MALRD1: variants seen among roughly 807,000 people sequenced by gnomAD.
MALRD1 encodes the protein MAM and LDL-receptor class A domain-containing protein 1.
MALRD1 carries 247 observed loss-of-function variants against 242.1 expected under a neutral mutation model. The ratio of observed to expected loss-of-function variants is 1.02; its 90% CI spans 0.92 to 1.13. The LOEUF is 1.13. Among genes scored for constraint, MALRD1 ranks in the 50% most tolerant of loss-of-function variants. MALRD1 has a pLI of 0.00. For missense variants in MALRD1, 2,989 were observed against 2,533.1 expected (o/e 1.18, Z -3.86); for synonymous variants, 995 against 866.6 (o/e 1.15, Z -2.60).
intron 33 of MALRD1, among the ~76,000 whole-genome samples, chr10:19,580,465 C>G (rs1837058635): frequency 6.6e-6 from 1 of 152,138 alleles, no homozygotes; most frequent in Non-Finnish European, 1.5e-5. Context: ...CATGTTTCCT[C>G]TGAATGACAT....
In MALRD1 at chr10:19,726,998, C is replaced by T. The variant is rs367678466; in HGVS notation, c.6315-3708C>T. On this transcript the variant is annotated intron_variant, in intron 38 of 39. Transcript: ENST00000454679. ...GAGCTTCAGTTCAGAGTTATAAAAA[C>T]ATTTTGGAAATAGTGGTAATGGTAG... 7.9e-5 allele frequency among the ~76,000 whole-genome samples: 12 copies of T among 152,252 alleles called. No individual in the cohort carries two copies. The East Asian group carries it at 1.2e-3, about 15-fold the overall frequency.
intron 24 of MALRD1, among the ~76,000 whole-genome samples, chr10:19,343,681 C>G (rs549028472): frequency 6.6e-6 from 1 of 152,100 alleles, no homozygotes; most frequent in Non-Finnish European, 1.5e-5. Context: ...GTGTATAAAT[C>G]ACGTTTTCCT....
chr10:19,467,986 G>A (rs1836305544), intron 29 of MALRD1, among the ~76,000 whole-genome samples: 1 of 151,860 alleles, frequency 6.6e-6, no homozygotes, highest in Non-Finnish European at 1.5e-5. Context: ...TAGAGACTGG[G>A]TTTCTCCATG....
intron 26 of MALRD1, among the ~76,000 whole-genome samples, chr10:19,363,763 C>T (rs1384225865): frequency 6.6e-6 from 1 of 152,072 alleles, no homozygotes; most frequent in African/African-American, 2.4e-5. Context: ...AGGGTTAGTC[C>T]TGTGAGAAGA....
At chr10:19,627,501 G>T (rs1437352351) in intron 36 of MALRD1, among the ~76,000 whole-genome samples, 1 of 152,066 alleles carries the variant, frequency 6.6e-6, no homozygotes, top group Non-Finnish European at 1.5e-5. Context: ...ACTTTGGGAG[G>T]CCAGGTAGAG....
At chr10:19,715,092 A>G (rs1834321614) in intron 38 of MALRD1, among the ~76,000 whole-genome samples, 1 of 152,260 alleles carries the variant, frequency 6.6e-6, no homozygotes, top group East Asian at 1.9e-4. Context: ...TACGAAATTT[A>G]TTGCTCCTTA....
chr10:19,167,000 G>A (rs920074536), intron 13 of MALRD1, among the ~76,000 whole-genome samples: 1 of 152,180 alleles, frequency 6.6e-6, no homozygotes, highest in African/African-American at 2.4e-5. Context: ...TACTCCAGGG[G>A]AGTCTGAATA....
At chr10:19,303,951 C>T (rs1242005345) in intron 21 of MALRD1, among the ~76,000 whole-genome samples, 1 of 151,574 alleles carries the variant, frequency 6.6e-6, no homozygotes, top group Admixed American at 6.6e-5. Flanking sequence ...ATCATTTTTA[C>T]CTTGAAACAA....
intron 31 of MALRD1, among the ~76,000 whole-genome samples, chr10:19,518,691 A>G (rs11813490): frequency 0.25 from 37,474 of 151,790 alleles, 7,370 homozygotes; most frequent in African/African-American, 0.55. Context: ...ATACTAAAAT[A>G]CAATTATCTT....
intron 36 of MALRD1, among the ~76,000 whole-genome samples, chr10:19,628,641 GGC>G (rs1380057775): frequency 6.6e-6 from 1 of 152,038 alleles, no homozygotes; most frequent in East Asian, 1.9e-4. Flanking sequence ...GTAGAAGATT[GGC>G]TTGGGGGAAA....
At chr10:19,472,898 A>G (rs991293199) in intron 29 of MALRD1, among the ~76,000 whole-genome samples, 3 of 151,078 alleles carry the variant, frequency 2.0e-5, no homozygotes, top group Admixed American at 6.6e-5. Flanking sequence ...TTCTGTTCTA[A>G]TCATGATTTT....
At chr10:19,553,362 T>C (rs1835578879) in intron 32 of MALRD1, among the ~76,000 whole-genome samples, 2 of 152,188 alleles carry the variant, frequency 1.3e-5, no homozygotes, top group African/African-American at 2.4e-5. Context: ...ATGTTATCAA[T>C]ACATTTTAAG....
intron 21 of MALRD1, among the ~76,000 whole-genome samples, chr10:19,316,919 G>T (rs1386099755): frequency 6.6e-6 from 1 of 151,608 alleles, no homozygotes; most frequent in Admixed American, 6.6e-5. Context: ...AAAGGAATAT[G>T]ATTAGATTGT....
chr10:19,245,969 T>C (rs1044572194), intron 18 of MALRD1, among the ~76,000 whole-genome samples: 5 of 152,200 alleles, frequency 3.3e-5, no homozygotes, highest in African/African-American at 4.8e-5. Context: ...ACAAAGATGC[T>C]AACTTAAATG....
In MALRD1 at chr10:19,517,656, G is replaced by A. The variant is rs148246962; in HGVS notation, c.5321-13538G>A. Among the ~76,000 whole-genome samples the A allele has an allele frequency of 2.0e-5, 3 of 152,264 alleles. No homozygotes were observed. The East Asian group carries it at 5.8e-4, about 29-fold the overall frequency. On this transcript the variant is annotated intron_variant, in intron 31 of 39. Coordinates refer to ENST00000454679, the MANE Select transcript of MALRD1 (RefSeq NM_001142308.3). ...TACAGATGACCTACAATTTTATGTA[G>A]TAACCTTACCTATTGGATCCAGTCC...
In MALRD1 at chr10:19,709,243, T is replaced by TAAAAAAAAAAAAAA. The variant is rs557818453; in HGVS notation, c.6314+16701_6314+16714dup. On this transcript the variant is annotated intron_variant, in intron 38 of 39. Coordinates refer to ENST00000454679, the MANE Select transcript of MALRD1 (RefSeq NM_001142308.3). ...TAACATGGTGAAACCCCGTCTGTAC[T>TAAAAAAAAAAAAAA]AAAAAAAAAAAAAAAAAAAAAAAAA... 7.6e-5 allele frequency among the ~76,000 whole-genome samples: 8 copies of TAAAAAAAAAAAAAA among 105,948 alleles called. No individual in the cohort carries two copies. The East Asian group carries it at 1.1e-3, about 15-fold the overall frequency. 69.5% of individuals were successfully genotyped at this position (105,948 alleles called of 152,430 possible). A position where few individuals can be genotyped will look rare whatever the true frequency, so the allele number is the denominator to read the frequency against.
chr10:19,396,789 AGAG>A (rs1846602018), intron 28 of MALRD1, among the ~76,000 whole-genome samples: 1 of 152,180 alleles, frequency 6.6e-6, no homozygotes, highest in African/African-American at 2.4e-5. Flanking sequence ...CACATGTTAC[AGAG>A]GAGAGGTGAC....
intron 36 of MALRD1, among the ~76,000 whole-genome samples, chr10:19,630,172 A>G (rs1025243710): frequency 6.6e-6 from 1 of 152,280 alleles, no homozygotes; most frequent in South Asian, 2.1e-4. Flanking sequence ...CATCAGGGAA[A>G]AGAAGGAGAT....
intron 14 of MALRD1, among the ~76,000 whole-genome samples, chr10:19,176,351 G>A (rs1308564327): frequency 7.3e-6 from 1 of 137,084 alleles, no homozygotes; most frequent in Non-Finnish European, 1.6e-5. Flanking sequence ...TCGAGAGAGT[G>A]TATATTTCTG....
Sources: gnomAD v4.1 joint callset for allele counts (sites outside exome capture counted in the v4.1 genomes callset) on GRCh38, gnomAD v4.1.1 for gene constraint, MANE v1.5 for transcripts, NCBI Gene and HGNC (gene_info 2026-07-23, HGNC 2026-07-21) for gene names.